The following MEOX2 variants were observed in gnomAD, a reference collection of about 807,000 sequenced individuals.
MEOX2 encodes the protein mesenchyme homeobox 2.
In MEOX2, 11 loss-of-function variants were observed where a neutral mutation model predicts 27.0. The observed-to-expected ratio is 0.41, with a 90% CI of 0.26 to 0.68. The LOEUF (loss-of-function observed/expected upper bound fraction) is 0.68, where lower values mean the gene tolerates loss of function less well. MEOX2 is among the 30% of genes least tolerant of loss of function. MEOX2 has a pLI of 0.33. For missense variants in MEOX2, 436 were observed against 385.4 expected (o/e 1.13, Z -1.10); for synonymous variants, 189 against 155.4 (o/e 1.22, Z -1.61).
Position 15,611,492 on chromosome 7 carries a change from G to A in MEOX2, c.*895C>T, listed in dbSNP as rs979343235. 6.6e-6 allele frequency: 1 copy of A among 152,550 alleles called. No homozygotes were observed. Among genetic ancestry groups the A allele is most frequent in the Non-Finnish European group, 1.5e-5 (1 of 68,014 alleles). The allele number at this position is 152,550 out of a possible 1,614,324, so 9.4% of individuals were successfully genotyped here. ...AATAAGACAATGTCTGTCATACAAA[G>A]CTCTTTCTGCAAGGTAACTGATTTG... On this transcript the variant is annotated 3_prime_UTR_variant, in exon 3 of 3. Transcript: ENST00000262041.
rs1781050087 is a variant in MEOX2 at position 15,612,570 on chromosome 7, C to T, written c.732G>A (p.Arg244=). 6.2e-7 allele frequency: 1 copy of T among 1,613,980 alleles called. No homozygotes were observed. Among genetic ancestry groups the T allele is most frequent in the Non-Finnish European group, 8.5e-7 (1 of 1,180,016 alleles). The change falls in exon 3 of 3, where the codon AGG becomes AGA. Residue 244 remains arginine (R), a synonymous_variant. Coordinates refer to ENST00000262041, the MANE Select transcript of MEOX2 (RefSeq NM_005924.5). ...WFQNRRMKWK[R]VKGGQQGAAA... is the part of the protein sequence containing the mutation. ...CAGCTCCTTGCTGTCCACCCTTTAC[C>T]CTCTTCCACTTCATCCGCCTGTTTT... is the stretch of plus-strand genomic sequence containing the variant.
intron 2 of MEOX2, among the ~76,000 whole-genome samples, chr7:15,614,272 G>C (rs1781086679): frequency 6.7e-6 from 1 of 149,638 alleles, no homozygotes; most frequent in African/African-American, 2.4e-5. Flanking sequence ...AATTAGGTGG[G>C]TGGGATGGCA....
chr7:15,630,231 C>G (rs1225572957), intron 1 of MEOX2, among the ~76,000 whole-genome samples: 2 of 152,048 alleles, frequency 1.3e-5, no homozygotes, highest in Non-Finnish European at 2.9e-5. Flanking sequence ...CCTGGGACTA[C>G]GCTAATGGAA....
At chr7:15,669,020 T>C (rs2115389345) in intron 1 of MEOX2, among the ~76,000 whole-genome samples, 1 of 152,332 alleles carries the variant, frequency 6.6e-6, no homozygotes. Flanking sequence ...TAGCACCATT[T>C]CTTAATTTGC....
intron 1 of MEOX2, among the ~76,000 whole-genome samples, chr7:15,629,990 G>A (rs1023614175): frequency 1.3e-5 from 2 of 151,974 alleles, no homozygotes; most frequent in African/African-American, 4.8e-5. Flanking sequence ...CCAAATGGTA[G>A]GTGCTGAGGG....
chr7:15,674,835 G>T (rs945787887), intron 1 of MEOX2, among the ~76,000 whole-genome samples: 1 of 152,016 alleles, frequency 6.6e-6, no homozygotes, highest in Non-Finnish European at 1.5e-5. Flanking sequence ...GAGAAACAAG[G>T]AAAGCATGCC....
chr7:15,684,087 A>G (rs920356185), intron 1 of MEOX2, among the ~76,000 whole-genome samples: 11 of 152,232 alleles, frequency 7.2e-5, no homozygotes, highest in Non-Finnish European at 1.6e-4. Flanking sequence ...TCCCCAAACA[A>G]AATAACATGT....
intron 1 of MEOX2, among the ~76,000 whole-genome samples, chr7:15,653,581 A>C (rs1161099300): frequency 1.3e-5 from 2 of 151,998 alleles, no homozygotes; most frequent in African/African-American, 4.8e-5. Flanking sequence ...AGATTTTCTC[A>C]TACATTTTAT....
intron 1 of MEOX2, among the ~76,000 whole-genome samples, chr7:15,657,594 T>A (rs947571742): frequency 2.6e-5 from 4 of 152,260 alleles, no homozygotes; most frequent in African/African-American, 9.6e-5. Context: ...TGAGATGTTC[T>A]ATTTTTTCAT....
intron 1 of MEOX2, among the ~76,000 whole-genome samples, chr7:15,635,624 A>T (rs1354149702): frequency 2.0e-5 from 3 of 152,024 alleles, no homozygotes; most frequent in African/African-American, 7.2e-5. Flanking sequence ...GGCCTTAGCA[A>T]TTGAAAATTA....
chr7:15,648,675 G>C (rs1202097844), intron 1 of MEOX2, among the ~76,000 whole-genome samples: 2 of 152,132 alleles, frequency 1.3e-5, no homozygotes, highest in African/African-American at 4.8e-5. Flanking sequence ...GAACTGAAGA[G>C]TTACTGCCAG....
intron 1 of MEOX2, among the ~76,000 whole-genome samples, chr7:15,647,030 A>G (rs1781661639): frequency 6.6e-6 from 1 of 151,998 alleles, no homozygotes. Context: ...TATATTTATT[A>G]TGTTAAACTA....
At chr7:15,660,453 T>TATGG (rs145259592) in intron 1 of MEOX2, among the ~76,000 whole-genome samples, 6,522 of 152,238 alleles carry the variant, frequency 0.043, 213 homozygotes, top group Non-Finnish European at 0.06. Flanking sequence ...GCTTTGGCAC[T>TATGG]ATGGACCTTC....
At position 15,626,737 on chromosome 7, in the gene MEOX2, C is replaced by G; in HGVS notation, c.690+9G>C. 6.3e-7 allele frequency: 1 copy of G among 1,597,002 alleles called. No individual in the cohort carries two copies. Among genetic ancestry groups the G allele is most frequent in the Non-Finnish European group, 8.6e-7 (1 of 1,168,244 alleles). On this transcript the variant is annotated intron_variant, in intron 2 of 2. Transcript: ENST00000262041. ...AAAAAGATCATATAATGATAATGCCCAGCTTTACCTGTCTTTCAGTGAGAT... is the reference window on the plus strand; with the variant it reads ...AAAAAGATCATATAATGATAATGCCGAGCTTTACCTGTCTTTCAGTGAGAT...
chr7:15,656,909 A>G (rs996227768), intron 1 of MEOX2, among the ~76,000 whole-genome samples: 1 of 151,712 alleles, frequency 6.6e-6, no homozygotes. Flanking sequence ...GTCTTCCTTC[A>G]CTTGAGAATG....
rs759918523 is a variant in MEOX2 at position 15,612,399 on chromosome 7, A to G, written c.903T>C (p.His301=). The G allele has an allele frequency of 5.0e-6, 8 of 1,613,890 alleles. No individual in the cohort carries two copies. Among genetic ancestry groups the G allele is most frequent in the Non-Finnish European group, 6.8e-6 (8 of 1,179,828 alleles). The change falls in exon 3 of 3, where the codon CAT becomes CAC. Residue 301 remains histidine (H), a synonymous_variant. Transcript: ENST00000262041. ...TCCTCTGTTTATATCATAAGTGCGCATGCTCTGAGCTGTGGTCACTGTCGT... is the reference window on the plus strand; with the variant it reads ...TCCTCTGTTTATATCATAAGTGCGCGTGCTCTGAGCTGTGGTCACTGTCGT... ...DSHDSDHSSE[H]AHL
At chr7:15,625,652 C>G (rs926909339) in intron 2 of MEOX2, among the ~76,000 whole-genome samples, 7 of 152,260 alleles carry the variant, frequency 4.6e-5, no homozygotes, top group Admixed American at 3.9e-4. Context: ...AAATGAGACT[C>G]TAGCCCTAAG....
At position 15,656,980 on chromosome 7, in the gene MEOX2, G is replaced by A. The variant is rs151011190; in HGVS notation, c.517+28906C>T. Reference sequence around the variant, plus strand: ...CTGAGTACCAAATCCTGAGTTGACTGTTCTTTTCTTTCTGCACTTGGAAAA... The same window carrying A: ...CTGAGTACCAAATCCTGAGTTGACTATTCTTTTCTTTCTGCACTTGGAAAA... On this transcript the variant is annotated intron_variant, in intron 1 of 2. Coordinates refer to ENST00000262041, the MANE Select transcript of MEOX2 (RefSeq NM_005924.5). Among the ~76,000 whole-genome samples, 718 of 152,110 alleles carry A rather than the reference G, an allele frequency of 4.7e-3. 7 individuals carry two copies. Among genetic ancestry groups the A allele is most frequent in the Non-Finnish European group, 6.2e-3 (421 of 67,942 alleles).
chr7:15,653,690 C>T (rs1583770978), intron 1 of MEOX2, among the ~76,000 whole-genome samples: 1 of 151,874 alleles, frequency 6.6e-6, no homozygotes, highest in Non-Finnish European at 1.5e-5. Context: ...TTGTTTTTTA[C>T]CTATGGTTGT....
Sources: gnomAD v4.1 joint callset for allele counts (sites outside exome capture counted in the v4.1 genomes callset) on GRCh38, gnomAD v4.1.1 for gene constraint, MANE v1.5 for transcripts, NCBI Gene and HGNC (gene_info 2026-07-23, HGNC 2026-07-21) for gene names.